Variants in SREK1 observed in about 807,000 individuals in gnomAD.
The protein encoded by SREK1 is splicing regulatory glutamine/lysine-rich protein 1.
SREK1 carries 13 observed loss-of-function variants against 66.5 expected under a neutral mutation model. The observed-to-expected ratio is 0.20, with a 90% CI of 0.13 to 0.31. The LOEUF (loss-of-function observed/expected upper bound fraction) is 0.31. SREK1 is among the 10% of genes least tolerant of loss of function. The pLI is 1.00. For missense variants in SREK1, 607 were observed against 769.6 expected (o/e 0.79, Z 2.50); for synonymous variants, 265 against 263.5 (o/e 1.01, Z -0.05).
intron 9 of SREK1, among the ~76,000 whole-genome samples, chr5:66,171,214 G>A (rs1011463418): frequency 4.6e-5 from 7 of 152,110 alleles, no homozygotes; most frequent in African/African-American, 1.4e-4. Flanking sequence ...TAGAGGGTGG[G>A]ATGGCAGGGA....
chr5:66,170,848 A>T lies in SREK1; in HGVS notation c.1385A>T (p.Asp462Val), dbSNP rs748768046. ...EQDKEKEREK[D>V]RSKEIDEKRK... ...GACAAAGAAAAGGAACGAGAAAAAGACAGATCCAAAGAGATAGATGAAAAA... is the reference window on the plus strand; with the variant it reads ...GACAAAGAAAAGGAACGAGAAAAAGTCAGATCCAAAGAGATAGATGAAAAA... The change falls in exon 9 of 12, where the codon GAC becomes GTC. Residue 462 changes from aspartate (D) to valine (V), a missense_variant. Around this residue, in one of 5 missense-constraint regions of SREK1, gnomAD observed 318 missense variants for 310.3 expected, o/e 1.02. Coordinates refer to ENST00000334121, the MANE Select transcript of SREK1 (RefSeq NM_001077199.3). The T allele has an allele frequency of 2.0e-5, 32 of 1,614,000 alleles. No individual in the cohort carries two copies. Among genetic ancestry groups the T allele is most frequent in the Non-Finnish European group, 2.7e-5 (32 of 1,179,976 alleles).
chr5:66,144,881 C>A (rs1743021152), intron 1 of SREK1: 1 of 1,021,240 alleles, frequency 9.8e-7, no homozygotes, highest in African/African-American at 1.7e-5. Context: ...CCCGGAACAG[C>A]CCTCATGGCA....
chr5:66,166,872 A>G (rs901238092), intron 7 of SREK1: 1 of 152,186 alleles, frequency 6.6e-6, no homozygotes, highest in Non-Finnish European at 1.5e-5. Flanking sequence ...AAAAGAGAGA[A>G]TGAGTTATCT....
At chr5:66,144,816 A>C in intron 1 of SREK1, 1 of 1,142,444 alleles carries the variant, frequency 8.8e-7, no homozygotes, top group Non-Finnish European at 1.1e-6. Context: ...GGGTCTTCGA[A>C]TTCCGTGCCC....
intron 6 of SREK1, 189 bp downstream of exon 6, chr5:66,164,111 T>C (rs1744977080): frequency 3.2e-6 from 2 of 632,418 alleles, no homozygotes; most frequent in East Asian, 3.2e-5. Context: ...CTTTCTGTGA[T>C]ACTGAATTGA....
At chr5:66,161,371 TG>T (rs1176350821) in intron 3 of SREK1, among the ~76,000 whole-genome samples, 2 of 152,184 alleles carry the variant, frequency 1.3e-5, no homozygotes, top group African/African-American at 2.4e-5. Context: ...GGTGAAAAAT[TG>T]GGGTTTGTCT....
intron 3 of SREK1, among the ~76,000 whole-genome samples, chr5:66,160,878 G>T (rs188784537): frequency 3.9e-5 from 6 of 152,080 alleles, no homozygotes; most frequent in African/African-American, 1.4e-4. Flanking sequence ...AGCTCTTTTC[G>T]TTCTGAAAAA....
chr5:66,151,252 G>C (rs111489387), intron 1 of SREK1, among the ~76,000 whole-genome samples: 1,913 of 152,296 alleles, frequency 0.013, 44 homozygotes, highest in African/African-American at 0.043. Flanking sequence ...GTTGCCAGTC[G>C]TTGTGGTGGA....
chr5:66,164,198 A>C (rs1744985398), intron 6 of SREK1: 1 of 342,122 alleles, frequency 2.9e-6, no homozygotes, highest in East Asian at 6.1e-5. Context: ...CTGAAAGCAA[A>C]AATGTTATTG....
intron 7 of SREK1, chr5:66,167,813 T>G (rs1258241382): frequency 6.6e-6 from 1 of 152,226 alleles, no homozygotes; most frequent in Admixed American, 6.5e-5. Context: ...ACAAAAGAAT[T>G]ATATTTTTAG....
At chr5:66,160,848 G>C (rs1207165408) in intron 3 of SREK1, among the ~76,000 whole-genome samples, 1 of 152,152 alleles carries the variant, frequency 6.6e-6, no homozygotes, top group Non-Finnish European at 1.5e-5. Context: ...AATGAAAAGA[G>C]TTGTGCTTTT....
Position 66,163,786 on chromosome 5 carries a change from A to C in SREK1, c.756-6A>C. Reference sequence around the variant, plus strand: ...TATTTGTGATATGCTAATATTTTTAATTTAGAATAAATCACTCCAACAATG... The same window carrying C: ...TATTTGTGATATGCTAATATTTTTACTTTAGAATAAATCACTCCAACAATG... On this transcript the variant is annotated splice_region_variant and splice_polypyrimidine_tract_variant and intron_variant, in intron 5 of 11. Transcript: ENST00000334121. 3 of 1,607,336 alleles carry C rather than the reference A, an allele frequency of 1.9e-6. No individual in the cohort carries two copies. The highest frequency in any genetic ancestry group is 1.7e-6 in the Non-Finnish European group (2 of 1,177,232).
chr5:66,156,658 T>C (rs1744311481), intron 2 of SREK1: 1 of 985,296 alleles, frequency 1.0e-6, no homozygotes, highest in African/African-American at 1.7e-5. Context: ...ATTTTAGGCA[T>C]ACAAAATCAT....
chr5:66,155,834 A>G (rs1325088865), intron 2 of SREK1, among the ~76,000 whole-genome samples: 1 of 152,264 alleles, frequency 6.6e-6, no homozygotes, highest in African/African-American at 2.4e-5. Context: ...CCATTTCAAA[A>G]TAAAATATGC....
At chr5:66,178,223 ATT>A (rs528811962) in intron 11 of SREK1, among the ~76,000 whole-genome samples, 234 of 152,194 alleles carry the variant, frequency 1.5e-3, no homozygotes, top group African/African-American at 5.4e-3. Flanking sequence ...CATCAATAAC[ATT>A]GATAACATTT....
At chr5:66,158,859 C>G (rs907228921) in intron 2 of SREK1, 1 of 1,291,818 alleles carries the variant, frequency 7.7e-7, no homozygotes, top group African/African-American at 1.5e-5. Flanking sequence ...TTTCGATCAC[C>G]GCGAAAACAC....
intron 10 of SREK1, among the ~76,000 whole-genome samples, chr5:66,175,353 G>T (rs1561517738): frequency 6.6e-6 from 1 of 152,048 alleles, no homozygotes; most frequent in Non-Finnish European, 1.5e-5. Flanking sequence ...ACACTGTTGT[G>T]CCCTTGGTTT....
In SREK1 at chr5:66,178,774, A is replaced by G; in HGVS notation, c.1781A>G (p.Lys594Arg). ...DSSVSKEVDD[K>R]DAPRTEENKI... ...AGTGTGAGCAAAGAAGTAGATGACA[A>G]GGATGCACCAAGGACTGAGGAAAAC... Residue 594 changes from lysine to arginine, a missense_variant, in exon 12 of 12, where the codon AAG becomes AGG. Physicochemically the swap from Lys to Arg is conservative, Grantham distance 26. Transcript: ENST00000334121. 2 of 1,612,736 alleles carry G rather than the reference A, an allele frequency of 1.2e-6. No homozygotes were observed.
intron 2 of SREK1, chr5:66,158,828 G>C: frequency 7.8e-7 from 1 of 1,290,288 alleles, no homozygotes; most frequent in Non-Finnish European, 1.0e-6. Flanking sequence ...CAACACGAAC[G>C]GTTGTCATGT....
Sources: allele counts gnomAD v4.1 joint callset (sites outside exome capture counted in the v4.1 genomes callset), GRCh38; gene constraint gnomAD v4.1.1; regional missense constraint gnomAD v4.1.1; transcripts MANE v1.5; gene names NCBI Gene and HGNC (gene_info 2026-07-23, HGNC 2026-07-21).